The following FMN1 variants were observed in gnomAD, a reference collection of about 807,000 sequenced individuals.
FMN1 encodes the protein formin 1.
FMN1 carries 110 observed loss-of-function variants against 132.4 expected under a neutral mutation model. The ratio of observed to expected loss-of-function variants is 0.83; its 90% CI spans 0.71 to 0.97. FMN1 has a LOEUF of 0.97. Ranked by LOEUF, FMN1 falls within the 50% of genes least tolerant of loss-of-function variation. FMN1 has a pLI of 0.00. For missense variants in FMN1, 1,792 were observed against 1,705.3 expected, an observed-to-expected ratio of 1.05 and a Z score of -0.90; for synonymous variants, 722 against 651.7, an observed-to-expected ratio of 1.11 and a Z score of -1.64.
chr15:33,119,104 AG>A (rs1169365935), intron 4 of FMN1, among the ~76,000 whole-genome samples: 2 of 152,222 alleles, frequency 1.3e-5, no homozygotes, highest in African/African-American at 2.4e-5. Context: ...TTCATAGTTC[AG>A]CCCATAAAAA....
At position 32,995,737 on chromosome 15, in the gene FMN1, T is replaced by C. The variant is rs547418089; in HGVS notation, c.2223+12277A>G. Among the ~76,000 whole-genome samples the C allele has an allele frequency of 3.9e-5, 6 of 152,336 alleles. No individual in the cohort carries two copies. In the South Asian group the frequency reaches 8.3e-4, roughly 21 times the overall value. On this transcript the variant is annotated intron_variant, in intron 7 of 20. Coordinates refer to ENST00000616417, the MANE Select transcript of FMN1 (RefSeq NM_001277313.2). ...TACATGAAATTATAGTTTAGAAAAT[T>C]TGTCTTTACAGCAAAAACAATTTTA...
chr15:33,192,602 T>C (rs138988627), intron 2 of FMN1, among the ~76,000 whole-genome samples: 55 of 152,302 alleles, frequency 3.6e-4, no homozygotes, highest in African/African-American at 1.3e-3. Context: ...GTGAGAGAAA[T>C]GCCTGTCCAA....
At chr15:33,152,621 A>T (rs1964483112) in intron 4 of FMN1, among the ~76,000 whole-genome samples, 1 of 152,024 alleles carries the variant, frequency 6.6e-6, no homozygotes, top group South Asian at 2.1e-4. Context: ...CTGCTTAGAG[A>T]ATCCCTAGAA....
At chr15:32,969,974 G>A (rs28631220) in intron 7 of FMN1, among the ~76,000 whole-genome samples, 1 of 152,188 alleles carries the variant, frequency 6.6e-6, no homozygotes, top group Admixed American at 6.5e-5. Flanking sequence ...GACACAGAAA[G>A]CAAGGGAAGA....
intron 4 of FMN1, among the ~76,000 whole-genome samples, chr15:33,112,329 T>C (rs141326816): frequency 2.7e-5 from 4 of 150,406 alleles, no homozygotes; most frequent in East Asian, 1.9e-4. Context: ...TCCATGACCT[T>C]TGTTATTTAA....
At chr15:32,916,856 G>A (rs2060696874) in intron 10 of FMN1, among the ~76,000 whole-genome samples, 1 of 152,048 alleles carries the variant, frequency 6.6e-6, no homozygotes, top group Admixed American at 6.6e-5. Context: ...TTCAGAACTC[G>A]ACAGAAATTC....
At chr15:32,983,412 T>C (rs1326943479) in intron 7 of FMN1, among the ~76,000 whole-genome samples, 1 of 152,234 alleles carries the variant, frequency 6.6e-6, no homozygotes, top group Non-Finnish European at 1.5e-5. Context: ...GTAATGGAAA[T>C]GTTCTACATC....
intron 8 of FMN1, among the ~76,000 whole-genome samples, chr15:32,964,795 G>T (rs2031032204): frequency 6.6e-6 from 1 of 152,142 alleles, no homozygotes; most frequent in African/African-American, 2.4e-5. Context: ...TATGTAAACA[G>T]GCTGTGCCTA....
rs900688003 is a variant in FMN1, at chr15:32,767,617, G to C, written c.*6693C>G. 4 of 152,134 alleles carry C rather than the reference G, an allele frequency of 2.6e-5. No individual in the cohort carries two copies. The highest frequency in any genetic ancestry group is 9.7e-5 in the African/African-American group (4 of 41,434). 9.4% of individuals were successfully genotyped at this position (152,134 alleles called of 1,614,324 possible). A position where few individuals can be genotyped will look rare whatever the true frequency, so the allele number is the denominator to read the frequency against. The stretch of plus-strand genomic sequence containing the variant: ...AATTTTAAAAGTTTCTGCCTTTTTA[G>C]TATTTTAGATTGGTTCTTTAAAGGG... On this transcript the variant is annotated 3_prime_UTR_variant, in exon 21 of 21. Coordinates refer to ENST00000616417, the MANE Select transcript of FMN1 (RefSeq NM_001277313.2).
At chr15:33,040,493 T>A (rs1268235553) in intron 6 of FMN1, among the ~76,000 whole-genome samples, 1 of 152,230 alleles carries the variant, frequency 6.6e-6, no homozygotes, top group Non-Finnish European at 1.5e-5. Context: ...AGTAGATGCT[T>A]AGTAAATATT....
chr15:32,988,528 A>T (rs1464991494), intron 7 of FMN1, among the ~76,000 whole-genome samples: 1 of 152,202 alleles, frequency 6.6e-6, no homozygotes, highest in Non-Finnish European at 1.5e-5. Flanking sequence ...TCTGCCCATC[A>T]CTTAGACTGT....
intron 7 of FMN1, among the ~76,000 whole-genome samples, chr15:32,997,303 C>T (rs1272916750): frequency 1.3e-5 from 2 of 150,920 alleles, no homozygotes; most frequent in Admixed American, 1.3e-4. Context: ...TTTCCTAACA[C>T]TACAGAAATA....
chr15:32,962,653 A>C (rs1170770431), intron 9 of FMN1, among the ~76,000 whole-genome samples: 2 of 150,376 alleles, frequency 1.3e-5, no homozygotes, highest in African/African-American at 5.0e-5. Context: ...CAAGAAAAAA[A>C]CAAACAACCC....
chr15:33,111,893 T>C (rs939174253), intron 4 of FMN1, among the ~76,000 whole-genome samples: 6 of 152,154 alleles, frequency 3.9e-5, no homozygotes, highest in South Asian at 2.1e-4. Flanking sequence ...CTGAATATAT[T>C]AGAAACCACT....
intron 7 of FMN1, among the ~76,000 whole-genome samples, chr15:32,986,502 C>T (rs1365041433): frequency 6.6e-6 from 1 of 152,062 alleles, no homozygotes; most frequent in Non-Finnish European, 1.5e-5. Flanking sequence ...TTTGTGTAAA[C>T]ATAGATTAAG....
intron 7 of FMN1, among the ~76,000 whole-genome samples, chr15:32,998,881 T>C (rs1021146570): frequency 1.6e-4 from 24 of 152,188 alleles, no homozygotes; most frequent in African/African-American, 7.2e-5. Flanking sequence ...ATATCTGAAT[T>C]GTCTGAAGGC....
chr15:32,958,038 A>G (rs117966955), intron 9 of FMN1, among the ~76,000 whole-genome samples: 2,191 of 152,230 alleles, frequency 0.014, 27 homozygotes, highest in Non-Finnish European at 0.021. Context: ...TATTATAGCT[A>G]ATATTTTAAA....
intron 8 of FMN1, among the ~76,000 whole-genome samples, chr15:32,966,415 C>T (rs887537340): frequency 3.9e-5 from 6 of 151,984 alleles, no homozygotes; most frequent in African/African-American, 1.5e-4. Flanking sequence ...ACGTGCTTCC[C>T]AACGAATGAC....
At chr15:32,939,888 T>C (rs1021125492) in intron 9 of FMN1, among the ~76,000 whole-genome samples, 20 of 152,174 alleles carry the variant, frequency 1.3e-4, no homozygotes, top group African/African-American at 4.8e-4. Flanking sequence ...TTCTGCTCTT[T>C]TTATGGTAGG....
Sources: gnomAD v4.1 joint callset for allele counts (sites outside exome capture counted in the v4.1 genomes callset) on GRCh38, gnomAD v4.1.1 for gene constraint, MANE v1.5 for transcripts, NCBI Gene and HGNC (gene_info 2026-07-23, HGNC 2026-07-21) for gene names.